The following NCKAP1 variants were observed in gnomAD, a reference collection of about 807,000 sequenced individuals.
NCKAP1 encodes the protein nck-associated protein 1.
In NCKAP1, 21 loss-of-function variants were observed where a neutral mutation model predicts 151.2. The ratio of observed to expected loss-of-function variants is 0.14; its 90% CI spans 0.10 to 0.20. The LOEUF (loss-of-function observed/expected upper bound fraction) is 0.20, where lower values mean the gene tolerates loss of function less well. Ranked by LOEUF, NCKAP1 falls within the 10% of genes least tolerant of loss-of-function variation. The pLI is 1.00. For missense variants in NCKAP1, 933 were observed against 1,352.1 expected, an observed-to-expected ratio of 0.69 and a Z score of 4.86; for synonymous variants, 484 against 451.8, an observed-to-expected ratio of 1.07 and a Z score of -0.90.
chr2:182,933,375 T>G (rs1575014070), intron 26 of NCKAP1, among the ~76,000 whole-genome samples: 1 of 148,416 alleles, frequency 6.7e-6, no homozygotes, highest in African/African-American at 2.5e-5. Flanking sequence ...CTCAAAAAGT[T>G]TGAGTGGCAC....
chr2:182,998,157 G>A (rs1305779334), intron 6 of NCKAP1, among the ~76,000 whole-genome samples: 2 of 152,078 alleles, frequency 1.3e-5, no homozygotes, highest in Admixed American at 1.3e-4. Context: ...CAACTAACTA[G>A]GCATCAAAGG....
chr2:182,996,429 A>T (rs1698269719), intron 6 of NCKAP1, among the ~76,000 whole-genome samples: 1 of 151,746 alleles, frequency 6.6e-6, no homozygotes, highest in Non-Finnish European at 1.5e-5. Context: ...TTTGCTATTA[A>T]TCCCTGCTTC....
intron 2 of NCKAP1, among the ~76,000 whole-genome samples, chr2:183,005,301 A>C (rs1338945819): frequency 1.3e-5 from 2 of 152,206 alleles, no homozygotes; most frequent in Non-Finnish European, 2.9e-5. Flanking sequence ...AATTTTACTA[A>C]TTGTGTCCCC....
chr2:182,937,863 A>G (rs1044085921), intron 24 of NCKAP1, among the ~76,000 whole-genome samples: 3 of 152,152 alleles, frequency 2.0e-5, no homozygotes, highest in Admixed American at 1.3e-4. Flanking sequence ...AAAATAGTCA[A>G]TAAAGAAAAC....
rs139898448 is a variant in NCKAP1 at position 182,976,647 on chromosome 2, G to C, written c.1482+246C>G. 5.3e-4 allele frequency among the ~76,000 whole-genome samples: 80 copies of C among 152,192 alleles called. 1 individual carries two copies. In the East Asian group the frequency reaches 0.011, roughly 21 times the overall value. ...TATTTGAATCAGGATAATCAAGAGAGAGATTGGGATTTAAATTTTTAGATA... is the reference window on the plus strand; with the variant it reads ...TATTTGAATCAGGATAATCAAGAGACAGATTGGGATTTAAATTTTTAGATA... On this transcript the variant is annotated intron_variant, in intron 15 of 30. Transcript: ENST00000361354.
At chr2:182,978,785 T>G (rs778687114) in intron 14 of NCKAP1, 49 bp downstream of exon 14, 2 of 1,133,802 alleles carry the variant, frequency 1.8e-6, no homozygotes, top group African/African-American at 3.1e-5. Context: ...TAATCAAGTT[T>G]GAAAATCTAA....
chr2:182,988,505 T>G (rs1195336100), intron 9 of NCKAP1, among the ~76,000 whole-genome samples: 1 of 152,268 alleles, frequency 6.6e-6, no homozygotes, highest in South Asian at 2.1e-4. Flanking sequence ...AAGAAACACA[T>G]TTCAGATAAT....
intron 8 of NCKAP1, 116 bp downstream of exon 8, chr2:182,994,723 G>A (rs1043553532): frequency 4.1e-5 from 31 of 763,832 alleles, no homozygotes; most frequent in Non-Finnish European, 6.2e-5. Context: ...AAGAGGTAAT[G>A]GACATAGATG....
intron 8 of NCKAP1, among the ~76,000 whole-genome samples, chr2:182,994,271 T>A (rs1261616407): frequency 1.3e-5 from 2 of 152,110 alleles, no homozygotes; most frequent in Non-Finnish European, 2.9e-5. Context: ...AGCCTTGGAG[T>A]TAGGCTGGGT....
rs1167673161 is a variant in NCKAP1 at position 182,920,119 on chromosome 2, A to T, written c.*5583T>A. The stretch of plus-strand genomic sequence containing the variant: ...AGTTGCTGGGACTACAGGTGTACAC[A>T]ATCACACCCGGCTTTTTCATTTTTG... On this transcript the variant is annotated 3_prime_UTR_variant, in exon 31 of 31. Coordinates refer to ENST00000361354, the MANE Select transcript of NCKAP1 (RefSeq NM_013436.5). 6.6e-6 allele frequency: 1 copy of T among 152,058 alleles called. No homozygotes were observed. Among genetic ancestry groups the T allele is most frequent in the African/African-American group, 2.4e-5 (1 of 41,390 alleles). 9.4% of individuals were successfully genotyped at this position (152,058 alleles called of 1,614,324 possible). A position where few individuals can be genotyped will look rare whatever the true frequency, so the allele number is the denominator to read the frequency against.
intron 26 of NCKAP1, among the ~76,000 whole-genome samples, chr2:182,933,518 C>T (rs901217742): frequency 1.3e-5 from 2 of 151,854 alleles, no homozygotes; most frequent in African/African-American, 2.4e-5. Context: ...CTCACCCTCC[C>T]GAGTAGCTGG....
At chr2:183,010,396 T>C (rs1479330430) in intron 2 of NCKAP1, among the ~76,000 whole-genome samples, 2 of 152,058 alleles carry the variant, frequency 1.3e-5, no homozygotes, top group African/African-American at 4.8e-5. Context: ...GCTGGGCCCA[T>C]CCCCCAGAAT....
intron 19 of NCKAP1, 76 bp from the exon 20 acceptor site, chr2:182,956,669 C>T (rs1697334839): frequency 4.2e-6 from 6 of 1,418,042 alleles, no homozygotes; most frequent in Non-Finnish European, 4.7e-6. Context: ...ATAAATATAT[C>T]AACCTTATTT....
chr2:182,974,428 T>C (rs764454578), intron 15 of NCKAP1, among the ~76,000 whole-genome samples: 2 of 152,124 alleles, frequency 1.3e-5, no homozygotes, highest in Non-Finnish European at 2.9e-5. Flanking sequence ...TATTTGGAAT[T>C]AGGGTCTTTC....
intron 2 of NCKAP1, among the ~76,000 whole-genome samples, chr2:183,016,705 A>G (rs1698694829): frequency 6.6e-6 from 1 of 152,168 alleles, no homozygotes; most frequent in South Asian, 2.1e-4. Flanking sequence ...TTCAAAGATG[A>G]GTGCGTGGTC....
chr2:182,934,820 G>A lies in NCKAP1; in HGVS notation c.2791C>T (p.His931Tyr). The A allele has an allele frequency of 1.4e-6, 2 of 1,475,576 alleles. No individual in the cohort carries two copies. Among genetic ancestry groups the A allele is most frequent in the Non-Finnish European group, 1.9e-6 (2 of 1,060,972 alleles). 91.4% of individuals were successfully genotyped at this position (1,475,576 alleles called of 1,614,324 possible). ...QEALRDVLSY[H>Y]IPFLVSSIED... The stretch of plus-strand genomic sequence containing the variant: ...ATTGAACTTACAAGAAAAGGAATGT[G>A]GTAGGATAAGACCTAGGCAGGATAA... Residue 931 changes from histidine (H) to tyrosine (Y), a missense_variant, in exon 26 of 31, where the codon CAC becomes TAC. Physicochemically the swap from His to Tyr is moderately conservative, Grantham distance 83. Transcript: ENST00000361354.
intron 23 of NCKAP1, among the ~76,000 whole-genome samples, chr2:182,949,040 G>A (rs1697163395): frequency 6.6e-6 from 1 of 152,142 alleles, no homozygotes; most frequent in African/African-American, 2.4e-5. Flanking sequence ...ATACATGAAG[G>A]GAAGCAGTTT....
chr2:182,948,196 T>G (rs1697145973), intron 23 of NCKAP1, among the ~76,000 whole-genome samples: 1 of 151,874 alleles, frequency 6.6e-6, no homozygotes, highest in South Asian at 2.1e-4. Context: ...AGCAAAAAAG[T>G]AAAAACAAAT....
intron 27 of NCKAP1, among the ~76,000 whole-genome samples, chr2:182,930,053 T>C (rs1426226678): frequency 1.3e-5 from 2 of 152,004 alleles, no homozygotes; most frequent in Non-Finnish European, 2.9e-5. Context: ...AGCATACAAA[T>C]GCTGTAATCT....
Sources: allele counts gnomAD v4.1 joint callset (sites outside exome capture counted in the v4.1 genomes callset), GRCh38; gene constraint gnomAD v4.1.1; transcripts MANE v1.5; gene names NCBI Gene and HGNC (gene_info 2026-07-23, HGNC 2026-07-21).